Variants in DNM3 observed in about 807,000 individuals in gnomAD.
DNM3 encodes the protein dynamin 3, also known as dynamin-3.
A neutral mutation model predicts 101.6 loss-of-function variants in DNM3; 47 were observed. That is an observed-to-expected ratio of 0.46 (90% CI 0.37 to 0.59). The LOEUF (loss-of-function observed/expected upper bound fraction) is 0.59. Ranked by LOEUF, DNM3 falls within the 20% of genes least tolerant of loss-of-function variation. The pLI is 0.00. For missense variants in DNM3, 849 were observed against 1,085.7 expected (o/e 0.78, Z 3.06); for synonymous variants, 385 against 387.9 (o/e 0.99, Z 0.09).
At chr1:171,849,444 A>G (rs1481301657) in intron 1 of DNM3, among the ~76,000 whole-genome samples, 1 of 152,184 alleles carries the variant, frequency 6.6e-6, no homozygotes, top group Non-Finnish European at 1.5e-5. Context: ...TCTTAATTTA[A>G]ATCTTTTATT....
At chr1:171,973,997 T>C (rs2044202129) in intron 2 of DNM3, among the ~76,000 whole-genome samples, 1 of 152,048 alleles carries the variant, frequency 6.6e-6, no homozygotes, top group Non-Finnish European at 1.5e-5. Context: ...TTTGTTTTTT[T>C]TTTAATCACT....
intron 19 of DNM3, among the ~76,000 whole-genome samples, chr1:172,387,657 C>CAA (rs1244610171): frequency 2.7e-4 from 37 of 137,144 alleles, no homozygotes; most frequent in African/African-American, 8.8e-4. Flanking sequence ...GACTCCGTCT[C>CAA]AAAAAAAAAA....
At chr1:171,882,448 C>T (rs1183004345) in intron 1 of DNM3, among the ~76,000 whole-genome samples, 1 of 151,380 alleles carries the variant, frequency 6.6e-6, no homozygotes, top group Non-Finnish European at 1.5e-5. Context: ...CACACACACA[C>T]ACACACACAC....
chr1:171,993,399 A>G (rs548697770), intron 4 of DNM3, among the ~76,000 whole-genome samples: 35 of 151,602 alleles, frequency 2.3e-4, no homozygotes, highest in African/African-American at 8.5e-4. Context: ...TGAGTATGTC[A>G]TCCCACTACC....
intron 10 of DNM3, among the ~76,000 whole-genome samples, chr1:172,065,461 C>T (rs1014796410): frequency 2.6e-5 from 4 of 152,138 alleles, no homozygotes; most frequent in Non-Finnish European, 5.9e-5. Flanking sequence ...TTGCACTAGT[C>T]AAGAAGGACT....
chr1:172,160,423 T>G (rs780435917), intron 14 of DNM3, among the ~76,000 whole-genome samples: 14 of 152,126 alleles, frequency 9.2e-5, no homozygotes, highest in Non-Finnish European at 1.9e-4. Context: ...TTTTTGATTT[T>G]TAAATGTTTT....
chr1:172,086,346 TAA>T (rs1283060041), intron 12 of DNM3, among the ~76,000 whole-genome samples: 1 of 152,196 alleles, frequency 6.6e-6, no homozygotes, highest in African/African-American at 2.4e-5. Context: ...TAACCTGTGA[TAA>T]GTTACACTCT....
At chr1:172,053,216 C>T (rs894554098) in intron 10 of DNM3, among the ~76,000 whole-genome samples, 4 of 152,094 alleles carry the variant, frequency 2.6e-5, no homozygotes, top group Admixed American at 2.6e-4. Context: ...TTCAGCCATT[C>T]TAGATGATTT....
intron 1 of DNM3, among the ~76,000 whole-genome samples, chr1:171,855,640 GC>G (rs1378041808): frequency 1.3e-5 from 2 of 152,112 alleles, no homozygotes; most frequent in African/African-American, 2.4e-5. Flanking sequence ...GTGATGTTGA[GC>G]TTTTTTATTT....
chr1:172,052,990 TC>T (rs2050313934), intron 10 of DNM3, among the ~76,000 whole-genome samples: 1 of 152,294 alleles, frequency 6.6e-6, no homozygotes, highest in African/African-American at 2.4e-5. Context: ...CCCTAACTGA[TC>T]TATTTCTAGC....
At chr1:171,859,213 G>A (rs977282561) in intron 1 of DNM3, among the ~76,000 whole-genome samples, 8 of 152,138 alleles carry the variant, frequency 5.3e-5, no homozygotes, top group Admixed American at 3.9e-4. Context: ...CTTTGTTCAC[G>A]TTGTTATTGT....
Position 172,348,106 on chromosome 1 carries a change from G to A in DNM3, c.1893+24766G>A, listed in dbSNP as rs528957508. Among the ~76,000 whole-genome samples, 7 of 152,172 alleles carry A rather than the reference G, an allele frequency of 4.6e-5. No homozygotes were observed. In the South Asian group the frequency reaches 1.2e-3, roughly 27 times the overall value. On this transcript the variant is annotated intron_variant, in intron 17 of 20. Transcript: ENST00000627582. Reference sequence around the variant, plus strand: ...TAGTTACTTTGAGTGGGAGAGGCAGGGGGCTGAGTTGGCAGATGGTATTAC... The same window carrying A: ...TAGTTACTTTGAGTGGGAGAGGCAGAGGGCTGAGTTGGCAGATGGTATTAC...
At chr1:172,319,196 T>C (rs1192599704) in intron 16 of DNM3, among the ~76,000 whole-genome samples, 4 of 152,140 alleles carry the variant, frequency 2.6e-5, no homozygotes, top group Non-Finnish European at 5.9e-5. Flanking sequence ...TGTAGAAAGC[T>C]GAAACTGGAT....
At chr1:171,903,163 T>C (rs2038524887) in intron 1 of DNM3, among the ~76,000 whole-genome samples, 2 of 151,720 alleles carry the variant, frequency 1.3e-5, no homozygotes, top group African/African-American at 4.8e-5. Context: ...TCAAAAAATA[T>C]ATATAAATAA....
rs2061721000 is a variant in DNM3, at chr1:172,240,831, A to T, written c.1660-12742A>T. Among the ~76,000 whole-genome samples, 4 of 147,462 alleles carry T rather than the reference A, an allele frequency of 2.7e-5. No individual in the cohort carries two copies. In the South Asian group the frequency reaches 8.3e-4, roughly 31 times the overall value. Reference sequence around the variant, plus strand: ...TCTAAACTTGAAAGTTTCTTTTTTTAAAAAATATAAATTGCAATGCCTTGG... The same window carrying T: ...TCTAAACTTGAAAGTTTCTTTTTTTTAAAAATATAAATTGCAATGCCTTGG... On this transcript the variant is annotated intron_variant, in intron 14 of 20. Transcript: ENST00000627582.
intron 4 of DNM3, among the ~76,000 whole-genome samples, chr1:171,992,175 ACAT>A (rs2045679201): frequency 6.6e-6 from 1 of 152,206 alleles, no homozygotes; most frequent in South Asian, 2.1e-4. Flanking sequence ...AATTGGTTTA[ACAT>A]ATTCATGCTA....
intron 4 of DNM3, among the ~76,000 whole-genome samples, chr1:172,010,171 G>T (rs2047015684): frequency 6.6e-6 from 1 of 151,848 alleles, no homozygotes; most frequent in Middle Eastern, 3.4e-3. Flanking sequence ...TATGTTTTCT[G>T]CATATGTTTT....
chr1:172,294,869 G>A (rs546825968), intron 15 of DNM3, among the ~76,000 whole-genome samples: 9 of 145,338 alleles, frequency 6.2e-5, no homozygotes, highest in South Asian at 2.1e-4. Flanking sequence ...CCAAGATCGC[G>A]CCACTGCACT....
intron 4 of DNM3, among the ~76,000 whole-genome samples, chr1:172,011,705 C>A (rs1252525459): frequency 4.6e-5 from 7 of 152,022 alleles, no homozygotes; most frequent in African/African-American, 1.7e-4. Flanking sequence ...ACCTTTGTTG[C>A]TTAGAGCCTT....
Sources: gnomAD v4.1 joint callset for allele counts (sites outside exome capture counted in the v4.1 genomes callset) on GRCh38, gnomAD v4.1.1 for gene constraint, MANE v1.5 for transcripts, NCBI Gene and HGNC (gene_info 2026-07-23, HGNC 2026-07-21) for gene names.